VPS13B: variants seen among roughly 807,000 people sequenced by gnomAD.
The protein encoded by VPS13B is intermembrane lipid transfer protein VPS13B.
A neutral mutation model predicts 426.4 loss-of-function variants in VPS13B; 285 were observed. That is an observed-to-expected ratio of 0.67 (90% CI 0.61 to 0.74). VPS13B has a LOEUF of 0.74. VPS13B is among the 30% of genes least tolerant of loss of function. The pLI is 0.00. For synonymous variants in VPS13B, 1,676 were observed against 1,676.4 expected (o/e 1.00, Z 0.01); for missense variants, 4,537 against 4,782.6 (o/e 0.95, Z 1.51).
intron 33 of VPS13B, among the ~76,000 whole-genome samples, chr8:99,602,720 G>A (rs1827372439): frequency 2.0e-5 from 3 of 152,162 alleles, no homozygotes; most frequent in African/African-American, 7.2e-5. Context: ...AAAATCACAA[G>A]CATTCCTATA....
In VPS13B at chr8:99,309,727, C is replaced by T. The variant is rs185020563; in HGVS notation, c.2824+34473C>T. ...TTTCCAATTCTATGGAGAAAGTCAT[C>T]CGTAGCTTGATGGGGGTGGCATTGA... is the stretch of plus-strand genomic sequence containing the variant. On this transcript the variant is annotated intron_variant, in intron 19 of 61. Coordinates refer to ENST00000357162, the MANE Select transcript of VPS13B (RefSeq NM_152564.5). 3.7e-3 allele frequency among the ~76,000 whole-genome samples: 568 copies of T among 152,036 alleles called. 1 individual carries two copies. Among genetic ancestry groups the T allele is most frequent in the Non-Finnish European group, 6.1e-3 (417 of 67,924 alleles).
chr8:99,069,523 T>C (rs532056609), intron 3 of VPS13B, among the ~76,000 whole-genome samples: 3 of 152,354 alleles, frequency 2.0e-5, no homozygotes, highest in African/African-American at 7.2e-5. Flanking sequence ...TCTAATAAGT[T>C]ATTAGGGTGT....
chr8:99,712,753 C>T (rs1210944599), intron 36 of VPS13B, among the ~76,000 whole-genome samples: 1 of 144,518 alleles, frequency 6.9e-6, no homozygotes, highest in African/African-American at 2.6e-5. Flanking sequence ...TTCTGTGTCC[C>T]CAAGCCAAAA....
At chr8:99,650,526 C>A (rs1245867882) in intron 34 of VPS13B, among the ~76,000 whole-genome samples, 1 of 152,162 alleles carries the variant, frequency 6.6e-6, no homozygotes, top group Non-Finnish European at 1.5e-5. Flanking sequence ...GTTTCAAGAT[C>A]CCCAGTGGGG....
At chr8:99,185,073 G>A (rs896727722) in intron 16 of VPS13B, among the ~76,000 whole-genome samples, 2 of 152,178 alleles carry the variant, frequency 1.3e-5, no homozygotes, top group Non-Finnish European at 2.9e-5. Context: ...AAAATTCAGC[G>A]TGATATCATG....
chr8:99,388,955 C>T (rs1369366698), intron 20 of VPS13B, among the ~76,000 whole-genome samples: 1 of 152,068 alleles, frequency 6.6e-6, no homozygotes, highest in Non-Finnish European at 1.5e-5. Context: ...TAAAGATCAG[C>T]CTGGCTAAGA....
chr8:99,497,768 C>A (rs924842534), intron 25 of VPS13B, among the ~76,000 whole-genome samples: 3 of 152,068 alleles, frequency 2.0e-5, no homozygotes, highest in African/African-American at 7.2e-5. Flanking sequence ...ATTATGCAAA[C>A]AACCGTTTAG....
At chr8:99,513,364 T>C (rs1552443) in intron 29 of VPS13B, among the ~76,000 whole-genome samples, 4,376 of 152,052 alleles carry the variant, frequency 0.029, 84 homozygotes, top group Non-Finnish European at 0.041. Context: ...CAAAATTTCA[T>C]TGAAACATAA....
rs770761377 is a variant in VPS13B, at chr8:99,699,922, A to G, written c.6444A>G (p.Gln2148=). ...GAAGCCTTAGTGTCAAGGCAACACA[A>G]AAAGTACCTGGTAAGTCACAGAAAA... ...LNGSLSVKAT[Q]KVPGIILGSS... is the part of the protein sequence containing the mutation. Residue 2148 remains glutamine, a synonymous_variant, in exon 36 of 62, where the codon CAA becomes CAG. Transcript: ENST00000357162. 1 of 1,613,982 alleles carries G rather than the reference A, an allele frequency of 6.2e-7. No homozygotes were observed. Among genetic ancestry groups the G allele is most frequent in the South Asian group, 1.1e-5 (1 of 91,004 alleles).
chr8:99,652,679 A>G (rs1829869224), intron 34 of VPS13B, among the ~76,000 whole-genome samples: 1 of 152,046 alleles, frequency 6.6e-6, no homozygotes, highest in Admixed American at 6.6e-5. Context: ...TCATTTAGTT[A>G]TTGTGACTTT....
chr8:99,817,186 G>A (rs754415104), intron 44 of VPS13B, among the ~76,000 whole-genome samples: 1 of 151,602 alleles, frequency 6.6e-6, no homozygotes, highest in Non-Finnish European at 1.5e-5. Context: ...TTCTGGGTTT[G>A]AGCTTCTACC....
At chr8:99,306,679 T>C (rs1274198395) in intron 19 of VPS13B, among the ~76,000 whole-genome samples, 1 of 152,082 alleles carries the variant, frequency 6.6e-6, no homozygotes, top group African/African-American at 2.4e-5. Flanking sequence ...GTTGAGGGCT[T>C]ACACCTACAC....
rs1327144831 is a variant in VPS13B, at chr8:99,543,553, A to ACC, written c.4746-12897_4746-12896insCC. On this transcript the variant is annotated intron_variant, in intron 30 of 61. Transcript: ENST00000357162. ...CTACAAAATGGGAGAAAATTTTTGC[A>ACC]ACCTACTCATCTGACAAAGGGCTAA... 3.3e-5 allele frequency among the ~76,000 whole-genome samples: 5 copies of ACC among 152,200 alleles called. No homozygotes were observed. The South Asian group carries it at 6.2e-4, about 19-fold the overall frequency.
intron 2 of VPS13B, among the ~76,000 whole-genome samples, chr8:99,020,106 G>T (rs1337167156): frequency 1.3e-5 from 2 of 151,700 alleles, no homozygotes; most frequent in Non-Finnish European, 2.9e-5. Flanking sequence ...AATGTGCAAA[G>T]GTTCGAAGTG....
At position 99,511,393 on chromosome 8, in the gene VPS13B, C is replaced by G. The variant is rs1821779357; in HGVS notation, c.4514C>G (p.Pro1505Arg). ...ACCCAAAAAGAGAAAAGAAAATCTC[C>G]TGGTCAGCCCATGAGGACCCATACA... The part of the protein sequence containing the change: ...PKTQKEKRKS[P>R]GQPMRTHTLT... The change falls in exon 29 of 62, where the codon CCT becomes CGT. Residue 1505 changes from proline to arginine, a missense_variant. Transcript: ENST00000357162. 6.2e-7 allele frequency: 1 copy of G among 1,613,848 alleles called. No individual in the cohort carries two copies. The highest frequency in any genetic ancestry group is 8.5e-7 in the Non-Finnish European group (1 of 1,179,976).
chr8:99,309,680 C>A (rs1242611271), intron 19 of VPS13B, among the ~76,000 whole-genome samples: 1 of 152,036 alleles, frequency 6.6e-6, no homozygotes, highest in East Asian at 1.9e-4. Context: ...TTTTTGGTAC[C>A]ATATGAACTT....
At chr8:99,321,400 G>T (rs1809980206) in intron 19 of VPS13B, among the ~76,000 whole-genome samples, 1 of 151,848 alleles carries the variant, frequency 6.6e-6, no homozygotes, top group African/African-American at 2.4e-5. Context: ...TAGAGACGGG[G>T]TTTCACTGTG....
chr8:99,495,336 T>G (rs1820829033), intron 25 of VPS13B, among the ~76,000 whole-genome samples: 1 of 152,252 alleles, frequency 6.6e-6, no homozygotes. Flanking sequence ...AATATGAGTT[T>G]GTATTTTCAG....
intron 19 of VPS13B, among the ~76,000 whole-genome samples, chr8:99,354,487 C>T (rs1370035228): frequency 6.6e-6 from 1 of 151,128 alleles, no homozygotes; most frequent in Non-Finnish European, 1.5e-5. Context: ...TGTTCTAAAA[C>T]TGCATAAAAT....
Sources: gnomAD v4.1 joint callset for allele counts (sites outside exome capture counted in the v4.1 genomes callset) on GRCh38, gnomAD v4.1.1 for gene constraint, MANE v1.5 for transcripts, NCBI Gene and HGNC (gene_info 2026-07-23, HGNC 2026-07-21) for gene names.